Variants in PTPRO observed in about 807,000 individuals in gnomAD.
PTPRO encodes receptor-type tyrosine-protein phosphatase O.
PTPRO carries 62 observed loss-of-function variants against 145.2 expected under a neutral mutation model. The observed-to-expected ratio is 0.43, with a 90% CI of 0.35 to 0.53. The LOEUF (loss-of-function observed/expected upper bound fraction) is 0.53, where lower values mean the gene tolerates loss of function less well. Among genes scored for constraint, PTPRO ranks in the 20% least tolerant of loss-of-function variants. PTPRO has a pLI of 0.01. For synonymous variants in PTPRO, 565 were observed against 514.7 expected (o/e 1.10, Z -1.32); for missense variants, 1,345 against 1,482.7 (o/e 0.91, Z 1.53).
At chr12:15,362,337 T>G (rs1011093239) in intron 1 of PTPRO, among the ~76,000 whole-genome samples, 4 of 152,210 alleles carry the variant, frequency 2.6e-5, no homozygotes, top group Admixed American at 2.0e-4. Context: ...AGTCCCTGCG[T>G]GTTATTCCTG....
intron 1 of PTPRO, among the ~76,000 whole-genome samples, chr12:15,367,150 T>C (rs2136251624): frequency 6.6e-6 from 1 of 152,354 alleles, no homozygotes; most frequent in African/African-American, 2.4e-5. Flanking sequence ...TCCAAGCTCC[T>C]GAAAGATGAA....
rs371180843 is a variant in PTPRO, at chr12:15,520,292, C to G, written c.1871C>G (p.Ser624Cys). 39 of 1,612,696 alleles carry G rather than the reference C, an allele frequency of 2.4e-5. No individual in the cohort carries two copies. Among genetic ancestry groups the G allele is most frequent in the Non-Finnish European group, 3.2e-5 (38 of 1,178,900 alleles). Residue 624 changes from serine (S) to cysteine (C), a missense_variant, in exon 10 of 27, where the codon TCT (serine) becomes TGT (cysteine). Ser to Cys is a moderately radical substitution (Grantham distance 112). This residue lies in a region of PTPRO where 1,130 missense variants were observed against 1,214.7 expected (regional missense o/e 0.93). Transcript: ENST00000281171. Reference sequence around the variant, plus strand: ...CCAGAATTGAGCTGCTGTGACAGCTCTACCATCAGCTTCATAACAGGTGAG... The same window carrying G: ...CCAGAATTGAGCTGCTGTGACAGCTGTACCATCAGCTTCATAACAGGTGAG... Reference protein sequence around the residue: ...GDPELSCCDSSTISFITAPVA... With the variant: ...GDPELSCCDSCTISFITAPVA...
At chr12:15,415,541 C>T (rs1279593205) in intron 1 of PTPRO, among the ~76,000 whole-genome samples, 4 of 151,692 alleles carry the variant, frequency 2.6e-5, no homozygotes, top group Non-Finnish European at 4.4e-5. Flanking sequence ...CCTGCCACCA[C>T]ACCCGGCTAA....
At chr12:15,368,031 A>G (rs568537992) in intron 1 of PTPRO, among the ~76,000 whole-genome samples, 1 of 152,298 alleles carries the variant, frequency 6.6e-6, no homozygotes, top group East Asian at 1.9e-4. Context: ...AATCATCTAA[A>G]CATTTCTCAA....
chr12:15,493,730 A>G (rs1942046331), intron 2 of PTPRO, among the ~76,000 whole-genome samples: 1 of 152,204 alleles, frequency 6.6e-6, no homozygotes, highest in East Asian at 1.9e-4. Context: ...TTCTAATCTA[A>G]TTAGAAAACT....
intron 1 of PTPRO, among the ~76,000 whole-genome samples, chr12:15,393,618 G>A (rs976191852): frequency 3.4e-5 from 5 of 148,620 alleles, no homozygotes; most frequent in Non-Finnish European, 5.9e-5. Flanking sequence ...CCTTGCTCTA[G>A]TACACTAGGA....
intron 1 of PTPRO, among the ~76,000 whole-genome samples, chr12:15,395,077 A>G (rs954701570): frequency 2.6e-5 from 4 of 152,240 alleles, no homozygotes; most frequent in African/African-American, 9.6e-5. Context: ...AATATTTTAA[A>G]GAGAAAGAAG....
intron 1 of PTPRO, among the ~76,000 whole-genome samples, chr12:15,459,705 T>C (rs1941258867): frequency 6.6e-6 from 1 of 152,220 alleles, no homozygotes; most frequent in African/African-American, 2.4e-5. Context: ...GATGTTACTG[T>C]CCTCTAATTC....
intron 1 of PTPRO, among the ~76,000 whole-genome samples, chr12:15,400,051 C>CAAA (rs36062333): frequency 1.8e-5 from 1 of 54,094 alleles, no homozygotes; most frequent in Non-Finnish European, 3.7e-5. Context: ...ACTCTTGTCT[C>CAAA]AAAAAAAAAA....
intron 2 of PTPRO, among the ~76,000 whole-genome samples, chr12:15,491,883 C>T (rs190446717): frequency 3.9e-5 from 6 of 152,268 alleles, no homozygotes; most frequent in East Asian, 3.9e-4. Flanking sequence ...AAATGCTCCA[C>T]GCTAGACAGG....
chr12:15,410,182 T>A (rs1240570286), intron 1 of PTPRO: 8 of 152,228 alleles, frequency 5.3e-5, no homozygotes, highest in Non-Finnish European at 1.5e-5. Context: ...ATCAAATGAA[T>A]AAACACAATT....
intron 1 of PTPRO, among the ~76,000 whole-genome samples, chr12:15,342,955 G>A (rs1867055300): frequency 6.6e-6 from 1 of 152,148 alleles, no homozygotes; most frequent in Admixed American, 6.5e-5. Context: ...GTGTGAAGGT[G>A]TGTGAAGTCC....
intron 1 of PTPRO, among the ~76,000 whole-genome samples, chr12:15,467,931 T>C (rs769189531): frequency 2.0e-5 from 3 of 152,208 alleles, no homozygotes; most frequent in South Asian, 2.1e-4. Context: ...CAATGGTGCA[T>C]TAGATATTTC....
chr12:15,587,144 T>C (rs1944446808), intron 24 of PTPRO, 93 bp downstream of exon 24: 13 of 1,396,474 alleles, frequency 9.3e-6, no homozygotes, highest in South Asian at 2.4e-5. Context: ...TCAGGTTTAG[T>C]TGAAAATTAA....
chr12:15,459,355 C>A (rs1419085193), intron 1 of PTPRO, among the ~76,000 whole-genome samples: 1 of 152,098 alleles, frequency 6.6e-6, no homozygotes, highest in East Asian at 1.9e-4. Context: ...CACTCTGAGA[C>A]AGGTGAGACA....
Position 15,397,255 on chromosome 12 carries a change from C to T in PTPRO, c.75+74454C>T, listed in dbSNP as rs12321372. 2.4e-3 allele frequency among the ~76,000 whole-genome samples: 372 copies of T among 152,128 alleles called. 1 individual carries two copies. Among genetic ancestry groups the T allele is most frequent in the African/African-American group, 8.4e-3 (347 of 41,490 alleles). On this transcript the variant is annotated intron_variant, in intron 1 of 26. Coordinates refer to ENST00000281171, the MANE Select transcript of PTPRO (RefSeq NM_030667.3). ...AACAACTGTGTTTTATTTATGCAAG[C>T]GAAGAACAGAAATAAGCTTTCATTA...
intron 24 of PTPRO, among the ~76,000 whole-genome samples, chr12:15,588,615 A>C (rs1944478725): frequency 6.6e-6 from 1 of 152,082 alleles, no homozygotes; most frequent in South Asian, 2.1e-4. Context: ...GACCCACTAA[A>C]ATGGCAGGCA....
At chr12:15,425,856 C>T (rs779304513) in intron 1 of PTPRO, among the ~76,000 whole-genome samples, 4 of 151,614 alleles carry the variant, frequency 2.6e-5, no homozygotes, top group Non-Finnish European at 5.9e-5. Flanking sequence ...TTAAGTGTTC[C>T]CTTTTTAAAA....
intron 1 of PTPRO, among the ~76,000 whole-genome samples, chr12:15,470,499 T>C (rs1180476782): frequency 6.6e-6 from 1 of 152,212 alleles, no homozygotes; most frequent in Non-Finnish European, 1.5e-5. Context: ...CACTTCTTTT[T>C]GGCAGAACAA....
Sources: gnomAD v4.1 joint callset for allele counts (sites outside exome capture counted in the v4.1 genomes callset) on GRCh38, gnomAD v4.1.1 for gene constraint, gnomAD v4.1.1 regional missense constraint, MANE v1.5 for transcripts, NCBI Gene and HGNC (gene_info 2026-07-23, HGNC 2026-07-21) for gene names.